Variants in NDUFAF6 observed in about 807,000 individuals in gnomAD.
NDUFAF6 encodes the protein NADH dehydrogenase (ubiquinone) complex I, assembly factor 6.
Under a neutral mutation model 40.8 loss-of-function variants are expected in NDUFAF6, and 45 were observed. The observed-to-expected ratio is 1.10, with a 90% CI of 0.87 to 1.42. The LOEUF (loss-of-function observed/expected upper bound fraction) is 1.42. Ranked by LOEUF, NDUFAF6 falls within the 40% of genes most tolerant of loss-of-function variation. NDUFAF6 has a pLI of 0.00. For missense variants in NDUFAF6, 435 were observed against 418.5 expected, an observed-to-expected ratio of 1.04 and a Z score of -0.34; for synonymous variants, 185 against 155.9, an observed-to-expected ratio of 1.19 and a Z score of -1.39.
chr8:94,908,306 T>G (rs997078764), intron 1 of NDUFAF6, among the ~76,000 whole-genome samples: 44 of 152,226 alleles, frequency 2.9e-4, no homozygotes, highest in Non-Finnish European at 8.8e-5. Flanking sequence ...ATTTGATTAA[T>G]GAAGTTTAAG....
intron 2 of NDUFAF6, among the ~76,000 whole-genome samples, chr8:95,086,641 G>T (rs1809054202): frequency 7.3e-6 from 1 of 136,734 alleles, no homozygotes; most frequent in Admixed American, 7.9e-5. Flanking sequence ...TTCCTCTGTT[G>T]CCCAGGCTGG....
chr8:94,938,153 G>A (rs192534003), intron 1 of NDUFAF6, among the ~76,000 whole-genome samples: 29 of 152,282 alleles, frequency 1.9e-4, no homozygotes, highest in Admixed American at 6.5e-4. Flanking sequence ...GTGAAGCTAC[G>A]TGTTTGCTAA....
chr8:94,983,517 C>T (rs1453804673), intron 2 of NDUFAF6, among the ~76,000 whole-genome samples: 4 of 152,060 alleles, frequency 2.6e-5, no homozygotes, highest in Non-Finnish European at 2.9e-5. Flanking sequence ...CCACCCGCCT[C>T]GGCCTCCCAA....
chr8:94,925,982 G>A (rs1819855825), intron 1 of NDUFAF6: 1 of 152,502 alleles, frequency 6.6e-6, no homozygotes, highest in Admixed American at 6.6e-5. Context: ...TGAAGTTAAA[G>A]GACACTTTAT....
At chr8:94,969,098 G>A (rs34815771) in intron 1 of NDUFAF6, among the ~76,000 whole-genome samples, 12,410 of 152,188 alleles carry the variant, frequency 0.082, 665 homozygotes, top group Non-Finnish European at 0.11. Flanking sequence ...GATGAGAGGT[G>A]GAGGCTGGCA....
intron 4 of NDUFAF6, among the ~76,000 whole-genome samples, chr8:95,042,021 C>G (rs1022192303): frequency 1.3e-5 from 2 of 152,148 alleles, no homozygotes; most frequent in African/African-American, 4.8e-5. Context: ...AAAACATAGC[C>G]ATGATATGAT....
intron 2 of NDUFAF6, among the ~76,000 whole-genome samples, chr8:95,000,522 C>T (rs1406644754): frequency 6.6e-6 from 1 of 150,876 alleles, no homozygotes; most frequent in South Asian, 2.1e-4. Flanking sequence ...ATATTCTAAT[C>T]TTTTTATTAG....
intron 1 of NDUFAF6, chr8:94,975,855 A>G (rs1192181882): frequency 6.6e-6 from 1 of 152,154 alleles, no homozygotes; most frequent in Non-Finnish European, 1.5e-5. Flanking sequence ...TCCCTGCTTT[A>G]GTTTTCTGAG....
chr8:94,918,361 G>T (rs1819275088), intron 1 of NDUFAF6, among the ~76,000 whole-genome samples: 1 of 152,276 alleles, frequency 6.6e-6, no homozygotes, highest in African/African-American at 2.4e-5. Context: ...TGGGAGACTG[G>T]TGGAGAAATA....
chr8:95,051,429 G>A (rs558295899), intron 7 of NDUFAF6, among the ~76,000 whole-genome samples: 58 of 152,304 alleles, frequency 3.8e-4, no homozygotes, highest in African/African-American at 1.3e-3. Flanking sequence ...TGATCATAGA[G>A]TAATTTCAGT....
upstream of NDUFAF6, among the ~76,000 whole-genome samples, chr8:94,957,796 G>A (rs1823208801): frequency 6.6e-6 from 1 of 152,178 alleles, no homozygotes; most frequent in Non-Finnish European, 1.5e-5. Context: ...CTTGGAATGA[G>A]GGTTGTACAG....
chr8:95,031,899 C>A, intron 1 of NDUFAF6, 96 bp from the exon 2 acceptor site: 1 of 1,270,794 alleles, frequency 7.9e-7, no homozygotes. Context: ...CCGCGCCCAA[C>A]TTGAAGCCTT....
At chr8:94,954,815 C>G (rs1822936949), upstream of NDUFAF6, among the ~76,000 whole-genome samples, 1 of 152,196 alleles carries the variant, frequency 6.6e-6, no homozygotes, top group South Asian at 2.1e-4. Flanking sequence ...AATTGTTTTG[C>G]TGTCTTTTTG....
At chr8:94,930,510 TG>T in intron 1 of NDUFAF6, 3 of 1,614,260 alleles carry the variant, frequency 1.9e-6, no homozygotes, top group Non-Finnish European at 1.7e-6. Context: ...GCAGGGCTGA[TG>T]AACAACCCAG....
At chr8:95,063,413 A>C (rs745946389), downstream of NDUFAF6, among the ~76,000 whole-genome samples, 14 of 152,198 alleles carry the variant, frequency 9.2e-5, no homozygotes, top group Non-Finnish European at 5.9e-5. Flanking sequence ...AGCCTGGCCA[A>C]CACGATGAAA....
At chr8:94,911,938 T>C (rs683832) in intron 1 of NDUFAF6, among the ~76,000 whole-genome samples, 108,983 of 152,082 alleles carry the variant, frequency 0.72, 39,354 homozygotes, top group East Asian at 0.8. Context: ...GGCCCACACT[T>C]GGTTTTCACA....
chr8:95,031,626 G>T (rs758220465), intron 1 of NDUFAF6, among the ~76,000 whole-genome samples: 3 of 152,144 alleles, frequency 2.0e-5, no homozygotes, highest in Non-Finnish European at 4.4e-5. Flanking sequence ...TTGAGATAGA[G>T]TCTTGCTCTG....
chr8:95,071,357 C>T (rs1482919377), intron 9 of NDUFAF6, among the ~76,000 whole-genome samples: 1 of 149,080 alleles, frequency 6.7e-6, no homozygotes, highest in Non-Finnish European at 1.5e-5. Context: ...GAGATCTCAC[C>T]ACTGCACTCC....
At chr8:95,029,572 CTTA>C (rs1828590218) in intron 1 of NDUFAF6, among the ~76,000 whole-genome samples, 1 of 152,332 alleles carries the variant, frequency 6.6e-6, no homozygotes, top group Non-Finnish European at 1.5e-5. Flanking sequence ...TGCTGATTAT[CTTA>C]TTATGTCTTT....
Sources: allele counts gnomAD v4.1 joint callset (sites outside exome capture counted in the v4.1 genomes callset), GRCh38; gene constraint gnomAD v4.1.1; transcripts MANE v1.5; gene names NCBI Gene and HGNC (gene_info 2026-07-23, HGNC 2026-07-21).